MAST2: variants seen among roughly 807,000 people sequenced by gnomAD.
MAST2 encodes microtubule-associated serine/threonine-protein kinase 2.
MAST2 carries 70 observed loss-of-function variants against 147.4 expected under a neutral mutation model. The observed-to-expected ratio is 0.47, with a 90% CI of 0.39 to 0.58. The LOEUF (loss-of-function observed/expected upper bound fraction) is 0.58, where lower values mean the gene tolerates loss of function less well. Among genes scored for constraint, MAST2 ranks in the 20% least tolerant of loss-of-function variants. MAST2 has a pLI of 0.00. For missense variants in MAST2, 2,080 were observed against 2,302.3 expected (o/e 0.90, Z 1.98); for synonymous variants, 869 against 896.8 (o/e 0.97, Z 0.55).
chr1:46,028,938 G>T lies in MAST2; in HGVS notation c.2218+5G>T. ...TCTTTGGGCAGGTGATCAGTGGTAG[G>T]TACTATGCCCCTGGCCCAGTGGGGA... is the stretch of plus-strand genomic sequence containing the variant. On this transcript the variant is annotated splice_donor_5th_base_variant and intron_variant, in intron 18 of 28. Transcript: ENST00000361297. 1 of 1,563,944 alleles carries T rather than the reference G, an allele frequency of 6.4e-7. No homozygotes were observed.
chr1:45,818,311 C>T (rs1041931633), intron 1 of MAST2, among the ~76,000 whole-genome samples: 1 of 152,098 alleles, frequency 6.6e-6, no homozygotes, highest in Admixed American at 6.5e-5. Flanking sequence ...AAACAGTGAC[C>T]GTGACCTTTA....
chr1:45,974,364 A>G (rs1186079076), intron 5 of MAST2, among the ~76,000 whole-genome samples: 1 of 152,238 alleles, frequency 6.6e-6, no homozygotes, highest in Non-Finnish European at 1.5e-5. Flanking sequence ...CAGGAGGCCA[A>G]GGCGGGAGAT....
At chr1:45,995,027 A>C (rs1645001245) in intron 5 of MAST2, among the ~76,000 whole-genome samples, 1 of 151,968 alleles carries the variant, frequency 6.6e-6, no homozygotes, top group Non-Finnish European at 1.5e-5. Context: ...TTTTTAGTAG[A>C]GACAGGGTTT....
intron 2 of MAST2, among the ~76,000 whole-genome samples, chr1:45,825,307 G>A (rs998468733): frequency 2.0e-5 from 3 of 152,190 alleles, no homozygotes; most frequent in Non-Finnish European, 4.4e-5. Context: ...TTACAGGCGT[G>A]AGCCACCGCG....
At chr1:45,996,785 G>A (rs115858566) in intron 5 of MAST2, among the ~76,000 whole-genome samples, 1,613 of 152,140 alleles carry the variant, frequency 0.011, 12 homozygotes, top group Middle Eastern at 0.027. Flanking sequence ...GGAAACAAAG[G>A]GGTAGGTTTT....
chr1:46,011,326 A>G (rs923139597), intron 10 of MAST2, among the ~76,000 whole-genome samples: 7 of 152,174 alleles, frequency 4.6e-5, no homozygotes, highest in East Asian at 1.9e-4. Flanking sequence ...CCTTCAGACT[A>G]TTTATCCTCA....
At chr1:45,881,604 CTCTT>C (rs1174087745) in intron 3 of MAST2, among the ~76,000 whole-genome samples, 1 of 152,106 alleles carries the variant, frequency 6.6e-6, no homozygotes, top group Non-Finnish European at 1.5e-5. Context: ...GTGAAGTCAT[CTCTT>C]TGTTATATTA....
chr1:46,010,974 T>C, intron 10 of MAST2, 35 bp downstream of exon 10: 1 of 1,558,062 alleles, frequency 6.4e-7, no homozygotes, highest in East Asian at 2.2e-5. Context: ...TGAAAAAACC[T>C]CCACCTGGTA....
intron 1 of MAST2, among the ~76,000 whole-genome samples, chr1:45,823,224 A>G (rs1369639066): frequency 1.3e-5 from 2 of 148,442 alleles, no homozygotes; most frequent in African/African-American, 5.0e-5. Flanking sequence ...TTTTAATCTT[A>G]GAGAACTGGA....
chr1:45,914,305 C>T (rs1422973823), intron 4 of MAST2, among the ~76,000 whole-genome samples: 1 of 152,202 alleles, frequency 6.6e-6, no homozygotes, highest in South Asian at 2.1e-4. Context: ...GACCTCAGAT[C>T]TGCCCTTGCA....
chr1:45,971,597 C>A (rs535891720), intron 5 of MAST2, among the ~76,000 whole-genome samples: 2 of 152,282 alleles, frequency 1.3e-5, no homozygotes, highest in Admixed American at 6.5e-5. Context: ...CCAATACCCT[C>A]TACTGAGAAA....
At chr1:45,826,053 C>T (rs1284964408) in intron 2 of MAST2, among the ~76,000 whole-genome samples, 3 of 151,782 alleles carry the variant, frequency 2.0e-5, no homozygotes, top group Non-Finnish European at 4.4e-5. Context: ...GGCGACAGAG[C>T]GAAACTCTGT....
chr1:45,949,824 C>T (rs1658663480), intron 4 of MAST2, among the ~76,000 whole-genome samples: 2 of 152,116 alleles, frequency 1.3e-5, no homozygotes, highest in Admixed American at 1.3e-4. Flanking sequence ...AACCTAAATG[C>T]CCATTAATGA....
intron 12 of MAST2, 28 bp from the exon 13 acceptor site, chr1:46,022,882 C>T (rs765960920): frequency 1.9e-6 from 3 of 1,587,834 alleles, no homozygotes; most frequent in Non-Finnish European, 2.6e-6. Flanking sequence ...TTGCCACGCA[C>T]ATTCTTCTCT....
intron 5 of MAST2, among the ~76,000 whole-genome samples, chr1:45,987,761 T>TG (rs1478250330): frequency 2.8e-5 from 3 of 108,438 alleles, no homozygotes; most frequent in East Asian, 2.2e-4. Flanking sequence ...GAGCATTTCT[T>TG]GTTTTTTTTT....
intron 6 of MAST2, among the ~76,000 whole-genome samples, chr1:46,001,701 CAGAGT>C (rs1385582728): frequency 1.3e-5 from 2 of 152,140 alleles, no homozygotes; most frequent in African/African-American, 4.8e-5. Flanking sequence ...CCTTACAGAA[CAGAGT>C]AGAAAAGCTG....
At chr1:45,970,981 T>C (rs1189139539) in intron 5 of MAST2, among the ~76,000 whole-genome samples, 3 of 152,186 alleles carry the variant, frequency 2.0e-5, no homozygotes, top group African/African-American at 7.2e-5. Flanking sequence ...TTGGTGAATA[T>C]TGCATCAGTC....
chr1:46,003,987 A>G (rs1444066406), intron 7 of MAST2, among the ~76,000 whole-genome samples: 1 of 152,176 alleles, frequency 6.6e-6, no homozygotes, highest in African/African-American at 2.4e-5. Context: ...TTCCTCTCCC[A>G]ACCTAGATAC....
intron 4 of MAST2, among the ~76,000 whole-genome samples, chr1:45,885,140 G>A (rs1388961645): frequency 1.3e-5 from 2 of 152,154 alleles, no homozygotes; most frequent in African/African-American, 2.4e-5. Flanking sequence ...CGTCCTCATA[G>A]CCTGATCTGG....
Sources: gnomAD v4.1 joint callset for allele counts (sites outside exome capture counted in the v4.1 genomes callset) on GRCh38, gnomAD v4.1.1 for gene constraint, MANE v1.5 for transcripts, NCBI Gene and HGNC (gene_info 2026-07-23, HGNC 2026-07-21) for gene names.